The following GABRB1 variants were observed in gnomAD, a reference collection of about 807,000 sequenced individuals.
The protein encoded by GABRB1 is gamma-aminobutyric acid type A receptor subunit beta1.
Under a neutral mutation model 51.6 loss-of-function variants are expected in GABRB1, and 17 were observed. The observed-to-expected ratio is 0.33, with a 90% CI of 0.23 to 0.49. GABRB1 has a LOEUF of 0.49. Among genes scored for constraint, GABRB1 ranks in the 20% least tolerant of loss-of-function variants. The pLI is 0.99. For synonymous variants in GABRB1, 247 were observed against 218.9 expected, an observed-to-expected ratio of 1.13 and a Z score of -1.14; for missense variants, 410 against 600.6, an observed-to-expected ratio of 0.68 and a Z score of 3.32.
intron 8 of GABRB1, among the ~76,000 whole-genome samples, chr4:47,411,183 T>C (rs1433789216): frequency 6.6e-6 from 1 of 152,130 alleles, no homozygotes; most frequent in African/African-American, 2.4e-5. Context: ...ATAATTAGTA[T>C]AAATAACTAT....
At chr4:47,228,926 T>C (rs1721045130) in intron 4 of GABRB1, among the ~76,000 whole-genome samples, 1 of 152,172 alleles carries the variant, frequency 6.6e-6, no homozygotes, top group African/African-American at 2.4e-5. Flanking sequence ...CAGTAACTAC[T>C]ACAGCATATA....
At chr4:47,074,750 C>T (rs549044146) in intron 3 of GABRB1, among the ~76,000 whole-genome samples, 1 of 152,186 alleles carries the variant, frequency 6.6e-6, no homozygotes, top group South Asian at 2.1e-4. Flanking sequence ...ATATAGTTGT[C>T]ATAAAAAGAT....
chr4:47,011,249 T>A (rs570312897), intron 1 of GABRB1, among the ~76,000 whole-genome samples: 1 of 152,228 alleles, frequency 6.6e-6, no homozygotes, highest in South Asian at 2.1e-4. Flanking sequence ...CCTCACCTTA[T>A]CATTGTTGCT....
intron 4 of GABRB1, among the ~76,000 whole-genome samples, chr4:47,316,014 G>T (rs1480584531): frequency 6.8e-6 from 1 of 146,924 alleles, no homozygotes; most frequent in Non-Finnish European, 1.5e-5. Context: ...TAACAAACCT[G>T]CATATGTACC....
chr4:47,273,908 G>A (rs1436315530), intron 4 of GABRB1, among the ~76,000 whole-genome samples: 1 of 135,984 alleles, frequency 7.4e-6, no homozygotes. Context: ...CACATTGAAG[G>A]TAGATTTTTT....
At chr4:47,242,192 C>T (rs1721550695) in intron 4 of GABRB1, among the ~76,000 whole-genome samples, 1 of 152,150 alleles carries the variant, frequency 6.6e-6, no homozygotes, top group African/African-American at 2.4e-5. Context: ...CAGCTTCATC[C>T]ATGTCCCTAC....
chr4:47,123,990 C>G (rs1313173131), intron 3 of GABRB1, among the ~76,000 whole-genome samples: 1 of 125,770 alleles, frequency 8.0e-6, no homozygotes, highest in Non-Finnish European at 1.6e-5. Flanking sequence ...CACACACACA[C>G]ACATGCATAT....
chr4:47,021,382 A>C (rs910273316), intron 1 of GABRB1, among the ~76,000 whole-genome samples: 2 of 152,152 alleles, frequency 1.3e-5, no homozygotes, highest in African/African-American at 4.8e-5. Flanking sequence ...TATTATAAGA[A>C]TGTATGTGCT....
intron 4 of GABRB1, among the ~76,000 whole-genome samples, chr4:47,296,451 T>A (rs1469509311): frequency 6.6e-6 from 1 of 151,976 alleles, no homozygotes; most frequent in African/African-American, 2.4e-5. Flanking sequence ...AAGGCAGGGG[T>A]TGCAATCCTA....
chr4:47,279,707 G>T (rs1204917871), intron 4 of GABRB1, among the ~76,000 whole-genome samples: 1 of 151,458 alleles, frequency 6.6e-6, no homozygotes, highest in Non-Finnish European at 1.5e-5. Flanking sequence ...AATCTATTTT[G>T]CTTATATAAT....
intron 4 of GABRB1, among the ~76,000 whole-genome samples, chr4:47,312,848 A>G (rs917107303): frequency 6.6e-6 from 1 of 152,092 alleles, no homozygotes; most frequent in Non-Finnish European, 1.5e-5. Flanking sequence ...ATATGTGTGC[A>G]CACGTGTGTA....
At chr4:47,422,750 C>T (rs1047045124) in intron 8 of GABRB1, among the ~76,000 whole-genome samples, 7 of 152,154 alleles carry the variant, frequency 4.6e-5, no homozygotes, top group Non-Finnish European at 8.8e-5. Context: ...ACAAGGATGC[C>T]TAATGTATAT....
At chr4:47,019,246 CT>C (rs1457177742) in intron 1 of GABRB1, among the ~76,000 whole-genome samples, 1 of 152,132 alleles carries the variant, frequency 6.6e-6, no homozygotes, top group Non-Finnish European at 1.5e-5. Flanking sequence ...CTTCACTTGG[CT>C]CTCAGCACAC....
chr4:47,028,252 T>A (rs979357367), upstream of GABRB1, among the ~76,000 whole-genome samples: 1 of 151,774 alleles, frequency 6.6e-6, no homozygotes, highest in Non-Finnish European at 1.5e-5. Context: ...GATATAGATA[T>A]GTTACGTGAA....
intron 5 of GABRB1, among the ~76,000 whole-genome samples, chr4:47,359,227 G>A (rs1380468562): frequency 6.6e-6 from 1 of 152,068 alleles, no homozygotes. Flanking sequence ...AATCTCAAGG[G>A]GGCCAGACAG....
intron 5 of GABRB1, among the ~76,000 whole-genome samples, chr4:47,333,242 C>A: frequency 2.5e-5 from 3 of 119,666 alleles, no homozygotes; most frequent in African/African-American, 3.3e-5. Flanking sequence ...ATATACACAC[C>A]ACGTATTAAT....
At chr4:47,239,365 A>G (rs905236551) in intron 4 of GABRB1, among the ~76,000 whole-genome samples, 6 of 152,102 alleles carry the variant, frequency 3.9e-5, no homozygotes, top group Admixed American at 3.9e-4. Flanking sequence ...CTATTTTCCT[A>G]TTAGTGAACT....
At chr4:47,035,980 A>G (rs983358375) in intron 3 of GABRB1, among the ~76,000 whole-genome samples, 7 of 152,278 alleles carry the variant, frequency 4.6e-5, no homozygotes, top group Admixed American at 3.3e-4. Context: ...TGAAGACACG[A>G]TGGTCCAAAT....
intron 4 of GABRB1, among the ~76,000 whole-genome samples, chr4:47,294,314 T>G (rs557741646): frequency 7.9e-5 from 12 of 152,296 alleles, no homozygotes; most frequent in African/African-American, 2.4e-4. Flanking sequence ...ATTGCCTCAC[T>G]CGGAAAGCAC....
Sources: gnomAD v4.1 joint callset for allele counts (sites outside exome capture counted in the v4.1 genomes callset) on GRCh38, gnomAD v4.1.1 for gene constraint, MANE v1.5 for transcripts, NCBI Gene and HGNC (gene_info 2026-07-23, HGNC 2026-07-21) for gene names.